SCLT1: variants seen among roughly 807,000 people sequenced by gnomAD.
The protein encoded by SCLT1 is sodium channel and clathrin linker 1.
SCLT1 carries 78 observed loss-of-function variants against 112.8 expected under a neutral mutation model. The observed-to-expected ratio is 0.69, with a 90% CI of 0.58 to 0.83. The LOEUF is 0.83. SCLT1 is among the 40% of genes least tolerant of loss of function. The pLI, the probability that SCLT1 is intolerant of heterozygous loss-of-function variation, is 0.00. For synonymous variants in SCLT1, 257 were observed against 254.7 expected (o/e 1.01, Z -0.09); for missense variants, 747 against 770.4 (o/e 0.97, Z 0.36).
intron 2 of SCLT1, among the ~76,000 whole-genome samples, chr4:129,072,277 A>AT (rs1319041202): frequency 7.9e-5 from 12 of 152,222 alleles, no homozygotes; most frequent in African/African-American, 2.6e-4. Flanking sequence ...CCTGATGACA[A>AT]TGTCCTAGGC....
Position 129,018,948 on chromosome 4 carries a change from A to AAAAT in SCLT1, c.291-15076_291-15073dup, listed in dbSNP as rs148213761. 4.7e-3 allele frequency among the ~76,000 whole-genome samples: 713 copies of AAAAT among 152,286 alleles called. 4 individuals are homozygous for AAAAT. The highest frequency in any genetic ancestry group is 0.016 in the African/African-American group (653 of 41,568). On this transcript the variant is annotated intron_variant, in intron 5 of 20. Coordinates refer to ENST00000281142, the MANE Select transcript of SCLT1 (RefSeq NM_144643.4). The stretch of plus-strand genomic sequence containing the variant: ...ATTTCTGATTAAATTTTTTAAAAAG[A>AAAAT]AAATAAATATTGTCCTATCAGATAG...
At chr4:129,003,383 A>G (rs1291432511) in intron 6 of SCLT1, among the ~76,000 whole-genome samples, 1 of 151,386 alleles carries the variant, frequency 6.6e-6, no homozygotes, top group Non-Finnish European at 1.5e-5. Context: ...TGATACCTAT[A>G]TAACAAACCT....
intron 18 of SCLT1, among the ~76,000 whole-genome samples, chr4:128,921,586 A>T (rs1735886869): frequency 6.6e-6 from 1 of 152,230 alleles, no homozygotes; most frequent in South Asian, 2.1e-4. Flanking sequence ...TGGTGCTCAG[A>T]TAACTGTCCA....
At chr4:129,016,229 G>C (rs902120657) in intron 5 of SCLT1, among the ~76,000 whole-genome samples, 2 of 152,130 alleles carry the variant, frequency 1.3e-5, no homozygotes, top group South Asian at 4.1e-4. Context: ...TGTTACACAG[G>C]TAAATGTGTG....
intron 2 of SCLT1, among the ~76,000 whole-genome samples, chr4:129,056,378 A>G (rs1207774758): frequency 6.6e-6 from 1 of 152,012 alleles, no homozygotes; most frequent in Admixed American, 6.6e-5. Flanking sequence ...GTCTATTTTT[A>G]TGGCAGTACC....
intron 18 of SCLT1, among the ~76,000 whole-genome samples, chr4:128,926,682 T>A (rs1736323119): frequency 6.6e-6 from 1 of 152,074 alleles, no homozygotes; most frequent in Non-Finnish European, 1.5e-5. Context: ...TAATATACAA[T>A]AAATATATTA....
intron 18 of SCLT1, among the ~76,000 whole-genome samples, chr4:128,903,034 T>C (rs185319280): frequency 5.9e-5 from 9 of 151,500 alleles, no homozygotes; most frequent in Admixed American, 5.9e-4. Flanking sequence ...CTCTGGAATA[T>C]AGCTCTTGAA....
chr4:129,028,107 T>G (rs943698755), intron 5 of SCLT1, among the ~76,000 whole-genome samples: 2 of 152,160 alleles, frequency 1.3e-5, no homozygotes, highest in Non-Finnish European at 2.9e-5. Context: ...CTGCCCAAGG[T>G]AATTTATAGA....
intron 10 of SCLT1, among the ~76,000 whole-genome samples, chr4:128,969,438 G>A (rs938814183): frequency 3.6e-4 from 54 of 152,102 alleles, no homozygotes; most frequent in Admixed American, 1.2e-3. Context: ...CAGGCGTGGC[G>A]GCGTGCACCT....
chr4:128,994,247 A>T (rs1051618321), intron 8 of SCLT1, among the ~76,000 whole-genome samples: 1 of 152,122 alleles, frequency 6.6e-6, no homozygotes, highest in Non-Finnish European at 1.5e-5. Flanking sequence ...TCTACTATAG[A>T]TACTTCGTAT....
At chr4:129,024,260 AC>A (rs1268614802) in intron 5 of SCLT1, among the ~76,000 whole-genome samples, 1 of 152,068 alleles carries the variant, frequency 6.6e-6, no homozygotes, top group African/African-American at 2.4e-5. Flanking sequence ...CTGACCCCTG[AC>A]CCCTGACCCC....
At chr4:128,949,643 C>T (rs13132428) in intron 14 of SCLT1, among the ~76,000 whole-genome samples, 1 of 151,564 alleles carries the variant, frequency 6.6e-6, no homozygotes, top group Non-Finnish European at 1.5e-5. Context: ...GGTTTTTTGT[C>T]CTTGTGATAG....
At chr4:128,901,852 A>G (rs75428707) in intron 18 of SCLT1, among the ~76,000 whole-genome samples, 25 of 152,126 alleles carry the variant, frequency 1.6e-4, no homozygotes, top group Non-Finnish European at 3.2e-4. Context: ...ACATATATGT[A>G]TAGATATGCA....
At chr4:128,875,605 A>G (rs1214147462) in intron 4 of SCLT1, among the ~76,000 whole-genome samples, 1 of 152,192 alleles carries the variant, frequency 6.6e-6, no homozygotes, top group Non-Finnish European at 1.5e-5. Context: ...CAGTTTTCCC[A>G]GAAAGAGGAT....
At chr4:128,947,817 A>C (rs1016708241) in intron 15 of SCLT1, among the ~76,000 whole-genome samples, 2 of 152,176 alleles carry the variant, frequency 1.3e-5, no homozygotes, top group African/African-American at 4.8e-5. Flanking sequence ...TGTACTTCTA[A>C]AAGGTAAAAA....
At chr4:129,005,555 T>G (rs1016101655) in intron 5 of SCLT1, among the ~76,000 whole-genome samples, 2 of 152,164 alleles carry the variant, frequency 1.3e-5, no homozygotes, top group Admixed American at 1.3e-4. Flanking sequence ...GGAACACCTT[T>G]ACACTGTTGG....
chr4:128,897,789 A>G (rs1733907368), intron 18 of SCLT1, among the ~76,000 whole-genome samples: 1 of 152,222 alleles, frequency 6.6e-6, no homozygotes, highest in Non-Finnish European at 1.5e-5. Context: ...TCTCACCTGC[A>G]GAGACACACA....
intron 10 of SCLT1, 40 bp downstream of exon 10, chr4:128,970,338 T>G: frequency 9.2e-7 from 1 of 1,087,160 alleles, no homozygotes. Flanking sequence ...GAAAGAAAAC[T>G]AAGCAATAGG....
chr4:129,076,348 T>C (rs531704707), intron 2 of SCLT1, among the ~76,000 whole-genome samples: 1 of 152,288 alleles, frequency 6.6e-6, no homozygotes, highest in Admixed American at 6.5e-5. Flanking sequence ...CATACCTCTT[T>C]GGCACTATGC....
Sources: allele counts gnomAD v4.1 joint callset (sites outside exome capture counted in the v4.1 genomes callset), GRCh38; gene constraint gnomAD v4.1.1; transcripts MANE v1.5; gene names NCBI Gene and HGNC (gene_info 2026-07-23, HGNC 2026-07-21).